MBP: variants seen among roughly 807,000 people sequenced by gnomAD.
MBP encodes the protein Golli-MBP.
In MBP, 16 loss-of-function variants were observed where a neutral mutation model predicts 35.8. The ratio of observed to expected loss-of-function variants is 0.45; its 90% CI spans 0.30 to 0.68. The LOEUF (loss-of-function observed/expected upper bound fraction) is 0.68, where lower values mean the gene tolerates loss of function less well. Ranked by LOEUF, MBP falls within the 30% of genes least tolerant of loss-of-function variation. The probability of loss-of-function intolerance (pLI) is 0.08; values close to 1 mark genes in which losing one functional copy is unlikely to be tolerated. For missense variants in MBP, 380 were observed against 404.7 expected, an observed-to-expected ratio of 0.94 and a Z score of 0.52; for synonymous variants, 143 against 159.6, an observed-to-expected ratio of 0.90 and a Z score of 0.78.
At chr18:77,056,258 C>A (rs1029812314) in intron 3 of MBP, among the ~76,000 whole-genome samples, 4 of 152,250 alleles carry the variant, frequency 2.6e-5, no homozygotes, top group African/African-American at 7.2e-5. Context: ...AAACTGGAGG[C>A]ATGAACTGAC....
chr18:77,065,383 C>T (rs1035772552), intron 3 of MBP, among the ~76,000 whole-genome samples: 4 of 152,160 alleles, frequency 2.6e-5, no homozygotes, highest in Non-Finnish European at 4.4e-5. Flanking sequence ...ACCCCAATGA[C>T]CTGATGACTA....
intron 1 of MBP, among the ~76,000 whole-genome samples, chr18:77,120,915 C>T (rs952397445): frequency 6.6e-6 from 1 of 152,228 alleles, no homozygotes; most frequent in Admixed American, 6.5e-5. Context: ...TACAAAAATA[C>T]CGCCAGGACC....
intron 4 of MBP, chr18:77,013,595 G>A (rs1015676751): frequency 5.7e-5 from 56 of 985,110 alleles, no homozygotes; most frequent in Middle Eastern, 5.2e-4. Flanking sequence ...CCATACAGTC[G>A]CAATTAGAGG....
Position 76,989,074 on chromosome 18 carries a change from G to T in MBP, c.682-162C>A. The T allele has an allele frequency of 2.7e-6, 2 of 750,382 alleles. No individual in the cohort carries two copies. The highest frequency in any genetic ancestry group is 1.4e-5 in the South Asian group (1 of 71,942). The allele number at this position is 750,382 out of a possible 1,614,324, so 46.5% of individuals were successfully genotyped here. A position where few individuals can be genotyped will look rare whatever the true frequency, so the allele number is the denominator to read the frequency against. ...CTGTCCTAGTTGGTGAAGAAGTATA[G>T]ACCTGAGATTGAAAATATTCTAGAT... is the stretch of plus-strand genomic sequence containing the variant. On this transcript the variant is annotated intron_variant, in intron 5 of 8. Transcript: ENST00000355994. The surrounding 1 kb of genome is among the most constrained non-coding windows in gnomAD (Gnocchi z 4.0).
chr18:76,982,483 G>A (rs1002173741), intron 8 of MBP: 1 of 152,220 alleles, frequency 6.6e-6, no homozygotes, highest in Non-Finnish European at 1.5e-5. Flanking sequence ...TATGTTCGTG[G>A]AAACTAATGC....
chr18:77,028,610 G>T lies in MBP; in HGVS notation c.140-11342C>A, dbSNP rs759487958. Among the ~76,000 whole-genome samples, 10 of 70,070 alleles carry T rather than the reference G, an allele frequency of 1.4e-4. 1 individual carries two copies. Among genetic ancestry groups the T allele is most frequent in the Admixed American group, 9.5e-4 (7 of 7,370 alleles). 46.0% of individuals were successfully genotyped at this position (70,070 alleles called of 152,430 possible). ...CACCTCCCGGACGGGGCGGCTGGCC[G>T]GGCGGGGGGCTGACCCCCCCCCACC... is the stretch of plus-strand genomic sequence containing the variant. On this transcript the variant is annotated intron_variant, in intron 3 of 8. Transcript: ENST00000355994.
intron 3 of MBP, among the ~76,000 whole-genome samples, chr18:77,028,618 G>T (rs1282034209): frequency 2.6e-5 from 2 of 76,246 alleles, no homozygotes; most frequent in Non-Finnish European, 6.9e-5. Flanking sequence ...CCGGGCGGGG[G>T]GCTGACCCCC....
At chr18:77,035,995 T>C (rs1972748163) in intron 3 of MBP, among the ~76,000 whole-genome samples, 2 of 152,242 alleles carry the variant, frequency 1.3e-5, no homozygotes, top group South Asian at 4.1e-4. Flanking sequence ...CGTCAGTTCT[T>C]GGGTCAAATT....
At chr18:77,122,586 A>G (rs1329945695) in intron 1 of MBP, among the ~76,000 whole-genome samples, 1 of 152,226 alleles carries the variant, frequency 6.6e-6, no homozygotes, top group Non-Finnish European at 1.5e-5. Flanking sequence ...TCTGTCACTC[A>G]GGCTGGAGTG....
chr18:77,016,529 C>A, intron 4 of MBP: 2 of 1,243,158 alleles, frequency 1.6e-6, no homozygotes, highest in Non-Finnish European at 2.0e-6. Context: ...ATGTGGCTCT[C>A]TTTCTGCAAC....
In MBP at chr18:77,131,009, A is replaced by G. The variant is rs1266061072; in HGVS notation, c.-26+1571T>C. ...TTTTAACTGTGTTCTTTTCCCTCAG[A>G]TTTCTGTTTTTCCCACAAAAAAAAA... On this transcript the variant is annotated intron_variant, in intron 1 of 8. Coordinates refer to ENST00000355994, the MANE Select transcript of MBP (RefSeq NM_001025101.2). This position sits in a 1 kb window ranked among gnomAD's most constrained non-coding sequence, Gnocchi z 5.5. Among the ~76,000 whole-genome samples the G allele has an allele frequency of 2.2e-5, 3 of 138,640 alleles. No homozygotes were observed. The highest frequency in any genetic ancestry group is 4.6e-5 in the Non-Finnish European group (3 of 65,250). The allele number at this position is 138,640 out of a possible 152,430, so 91.0% of individuals were successfully genotyped here. A position where few individuals can be genotyped will look rare whatever the true frequency, so the allele number is the denominator to read the frequency against.
Position 76,990,046 on chromosome 18 carries a change from C to A in MBP, c.591G>T (p.Pro197=). ...GGGAGCCGTAGTGAGCAGTTCTTGC[C>A]GGGTGGTGTGAGTCCTGAAACACAG... The part of the protein sequence containing the change: ...KRGSGKDSHH[P]ARTAHYGSLP... Residue 197 remains proline, a synonymous_variant, in exon 5 of 9, where the codon CCG becomes CCT. Coordinates refer to ENST00000355994, the MANE Select transcript of MBP (RefSeq NM_001025101.2). 2 of 1,612,096 alleles carry A rather than the reference C, an allele frequency of 1.2e-6. No individual in the cohort carries two copies. The highest frequency in any genetic ancestry group is 1.7e-6 in the Non-Finnish European group (2 of 1,179,322).
At chr18:77,010,620 T>G (rs1258191073) in intron 4 of MBP, among the ~76,000 whole-genome samples, 1 of 152,248 alleles carries the variant, frequency 6.6e-6, no homozygotes, top group Admixed American at 6.5e-5. Flanking sequence ...TATTCCTTGG[T>G]ACTGGTGAAG....
chr18:77,067,709 G>T (rs540026639), intron 2 of MBP: 2 of 427,794 alleles, frequency 4.7e-6, no homozygotes, highest in Admixed American at 5.0e-5. Context: ...TCCCTGCAGC[G>T]CCCCACCCTG....
chr18:77,086,332 C>T (rs754078997), intron 2 of MBP, among the ~76,000 whole-genome samples: 8 of 152,170 alleles, frequency 5.3e-5, no homozygotes, highest in Non-Finnish European at 8.8e-5. Context: ...CATACAAGTG[C>T]GAATAGATGC....
chr18:77,060,448 C>CT (rs74182682), intron 3 of MBP, among the ~76,000 whole-genome samples: 4,004 of 97,550 alleles, frequency 0.041, 275 homozygotes, highest in African/African-American at 0.2. Context: ...TCTCTCTCTC[C>CT]TTTTTTTTTT....
At chr18:76,992,464 CCTGGGGG>C (rs1273227006) in intron 4 of MBP, among the ~76,000 whole-genome samples, 3 of 152,152 alleles carry the variant, frequency 2.0e-5, no homozygotes, top group Non-Finnish European at 4.4e-5. Context: ...CGGTCCAGGG[CCTGGGGG>C]CTGGGGACCC....
At chr18:77,104,854 G>A (rs1484785676) in intron 2 of MBP, among the ~76,000 whole-genome samples, 1 of 152,146 alleles carries the variant, frequency 6.6e-6, no homozygotes, top group Non-Finnish European at 1.5e-5. Context: ...AGGAAGGGCT[G>A]CTTCGTCTTC....
chr18:77,040,941 T>C (rs985378737), intron 3 of MBP, among the ~76,000 whole-genome samples: 4 of 152,044 alleles, frequency 2.6e-5, no homozygotes, highest in Non-Finnish European at 5.9e-5. Context: ...GGGATCTAAT[T>C]AAACTAAAGA....
Sources: allele counts gnomAD v4.1 joint callset (sites outside exome capture counted in the v4.1 genomes callset), GRCh38; gene constraint gnomAD v4.1.1; non-coding constraint Gnocchi (gnomAD v3.1); transcripts MANE v1.5; gene names NCBI Gene and HGNC (gene_info 2026-07-23, HGNC 2026-07-21).